Variants in LRP1B observed in about 807,000 individuals in gnomAD.
LRP1B encodes the protein low-density lipoprotein receptor-related protein 1B.
A neutral mutation model predicts 556.6 loss-of-function variants in LRP1B; 217 were observed. The ratio of observed to expected loss-of-function variants is 0.39; its 90% CI spans 0.35 to 0.44. LRP1B has a LOEUF of 0.44. Among genes scored for constraint, LRP1B ranks in the 20% least tolerant of loss-of-function variants. LRP1B has a pLI of 1.00. For synonymous variants in LRP1B, 2,047 were observed against 1,865.8 expected (o/e 1.10, Z -2.50); for missense variants, 5,053 against 5,620.8 (o/e 0.90, Z 3.23).
intron 2 of LRP1B, among the ~76,000 whole-genome samples, chr2:141,510,422 A>G (rs1055061260): frequency 5.3e-5 from 8 of 152,094 alleles, no homozygotes; most frequent in Admixed American, 4.6e-4. Flanking sequence ...ATCTCAGCAA[A>G]ACAATGATTT....
chr2:141,345,736 C>T (rs1411715700), intron 3 of LRP1B, among the ~76,000 whole-genome samples: 18 of 151,124 alleles, frequency 1.2e-4, no homozygotes, highest in African/African-American at 4.4e-4. Context: ...AACCACTGGC[C>T]TCAAGTGATC....
At chr2:141,816,329 C>G (rs1340829191) in intron 1 of LRP1B, among the ~76,000 whole-genome samples, 2 of 152,116 alleles carry the variant, frequency 1.3e-5, no homozygotes, top group South Asian at 4.1e-4. Flanking sequence ...TGGGCACCAT[C>G]TAATCTGCTG....
At chr2:141,095,255 C>T (rs1005084177) in intron 7 of LRP1B, among the ~76,000 whole-genome samples, 5 of 150,684 alleles carry the variant, frequency 3.3e-5, no homozygotes, top group African/African-American at 1.2e-4. Flanking sequence ...GCACAGACTC[C>T]CACCATAAGA....
At chr2:140,924,694 A>T (rs947076702) in intron 20 of LRP1B, among the ~76,000 whole-genome samples, 2 of 152,124 alleles carry the variant, frequency 1.3e-5, no homozygotes, top group African/African-American at 4.8e-5. Context: ...GGCTTTCTTT[A>T]AATCCCCTCC....
intron 2 of LRP1B, among the ~76,000 whole-genome samples, chr2:141,697,417 T>C (rs1381230807): frequency 6.6e-6 from 1 of 151,982 alleles, no homozygotes; most frequent in Non-Finnish European, 1.5e-5. Flanking sequence ...CTTGTTAATG[T>C]CCTGAAAGAG....
intron 1 of LRP1B, among the ~76,000 whole-genome samples, chr2:141,949,865 G>A (rs945267682): frequency 6.6e-6 from 1 of 152,252 alleles, no homozygotes; most frequent in South Asian, 2.1e-4. Flanking sequence ...CTACATTTCA[G>A]TGAAGATTTT....
At chr2:140,455,347 T>A (rs12990666) in intron 62 of LRP1B, among the ~76,000 whole-genome samples, 1 of 152,116 alleles carries the variant, frequency 6.6e-6, no homozygotes, top group Non-Finnish European at 1.5e-5. Context: ...AACTTTTTAA[T>A]GTAAATTTCG....
intron 41 of LRP1B, among the ~76,000 whole-genome samples, chr2:140,603,518 G>A (rs1682752086): frequency 6.6e-6 from 1 of 152,078 alleles, no homozygotes. Flanking sequence ...TTAAGCAAAT[G>A]AGAATAATCC....
At chr2:141,617,756 T>A (rs1688361278) in intron 2 of LRP1B, among the ~76,000 whole-genome samples, 1 of 152,168 alleles carries the variant, frequency 6.6e-6, no homozygotes, top group Admixed American at 6.5e-5. Context: ...AAGTTTACTT[T>A]TTGTCACTTT....
chr2:141,168,165 A>T (rs1008702241), intron 7 of LRP1B, among the ~76,000 whole-genome samples: 1 of 152,190 alleles, frequency 6.6e-6, no homozygotes, highest in African/African-American at 2.4e-5. Flanking sequence ...CATAAAGTCA[A>T]GTGATATGGC....
chr2:140,652,606 TTG>T (rs1340923498), intron 41 of LRP1B, among the ~76,000 whole-genome samples: 9 of 152,060 alleles, frequency 5.9e-5, no homozygotes, highest in Middle Eastern at 3.4e-3. Flanking sequence ...TACAAGAAAT[TTG>T]TGTTATAAAT....
At chr2:141,087,275 C>T (rs1217178860) in intron 7 of LRP1B, among the ~76,000 whole-genome samples, 2 of 152,092 alleles carry the variant, frequency 1.3e-5, no homozygotes, top group Non-Finnish European at 2.9e-5. Flanking sequence ...CCCTTTCTTC[C>T]CATCTCCAAG....
intron 3 of LRP1B, among the ~76,000 whole-genome samples, chr2:141,421,822 G>A (rs561456059): frequency 1.3e-5 from 2 of 152,136 alleles, no homozygotes; most frequent in South Asian, 4.1e-4. Context: ...ATCTCTGAAC[G>A]TACCAATGAT....
intron 41 of LRP1B, among the ~76,000 whole-genome samples, chr2:140,697,295 G>C (rs1180293673): frequency 6.6e-6 from 1 of 151,974 alleles, no homozygotes; most frequent in Non-Finnish European, 1.5e-5. Flanking sequence ...AAACCTCCTA[G>C]GGCATCTTTG....
intron 2 of LRP1B, among the ~76,000 whole-genome samples, chr2:141,634,471 G>C (rs1004177697): frequency 1.3e-5 from 2 of 151,914 alleles, no homozygotes; most frequent in Non-Finnish European, 2.9e-5. Context: ...TAGAAAAGAT[G>C]AGTGACATTT....
chr2:141,335,643 A>G (rs1687821003), intron 3 of LRP1B, among the ~76,000 whole-genome samples: 1 of 152,208 alleles, frequency 6.6e-6, no homozygotes. Context: ...TAAATACATA[A>G]AAATAAACTA....
At chr2:142,002,706 G>A (rs1702690599) in intron 1 of LRP1B, among the ~76,000 whole-genome samples, 1 of 151,992 alleles carries the variant, frequency 6.6e-6, no homozygotes, top group African/African-American at 2.4e-5. Context: ...AGCGTCAATT[G>A]TGCGGCTGAA....
At chr2:141,782,143 G>A (rs1437339) in intron 2 of LRP1B, among the ~76,000 whole-genome samples, 14,735 of 152,116 alleles carry the variant, frequency 0.097, 1,026 homozygotes, top group African/African-American at 0.19. Flanking sequence ...TACAGCACCA[G>A]TACGCCATTC....
chr2:141,036,681 A>G (rs1405775143), intron 11 of LRP1B, among the ~76,000 whole-genome samples: 1 of 152,008 alleles, frequency 6.6e-6, no homozygotes, highest in Non-Finnish European at 1.5e-5. Context: ...TCCCACTACA[A>G]ACTTGTTAGT....
Sources: allele counts gnomAD v4.1 joint callset (sites outside exome capture counted in the v4.1 genomes callset), GRCh38; gene constraint gnomAD v4.1.1; transcripts MANE v1.5; gene names NCBI Gene and HGNC (gene_info 2026-07-23, HGNC 2026-07-21).